PPP1CB: variants seen among roughly 807,000 people sequenced by gnomAD.
The protein encoded by PPP1CB is serine/threonine-protein phosphatase PP1-beta catalytic subunit.
PPP1CB carries 2 observed loss-of-function variants against 43.7 expected under a neutral mutation model. The observed-to-expected ratio is 0.05, with a 90% CI of 0.02 to 0.14. PPP1CB has a LOEUF of 0.14. Ranked by LOEUF, PPP1CB falls within the 10% of genes least tolerant of loss-of-function variation. The probability of loss-of-function intolerance (pLI) is 1.00; values close to 1 mark genes in which losing one functional copy is unlikely to be tolerated. For missense variants in PPP1CB, 84 were observed against 398.0 expected (o/e 0.21, Z 6.71); for synonymous variants, 136 against 135.6 (o/e 1.00, Z -0.02).
At chr2:28,769,148 C>T (rs1289362232) in intron 1 of PPP1CB, among the ~76,000 whole-genome samples, 1 of 152,172 alleles carries the variant, frequency 6.6e-6, no homozygotes, top group Non-Finnish European at 1.5e-5. Flanking sequence ...TGAATGATGG[C>T]TGATCTATCA....
intron 6 of PPP1CB, among the ~76,000 whole-genome samples, chr2:28,790,480 C>T (rs1261030491): frequency 1.3e-5 from 2 of 152,084 alleles, no homozygotes; most frequent in East Asian, 1.9e-4. Context: ...GCTGGGACTA[C>T]AGGCGCCTGC....
At chr2:28,776,772 A>C in intron 1 of PPP1CB, 79 bp from the exon 2 acceptor site, 1 of 1,365,876 alleles carries the variant, frequency 7.3e-7, no homozygotes, top group South Asian at 1.5e-5. Flanking sequence ...CTGATTTTTA[A>C]AGTATGGGCA....
intron 1 of PPP1CB, among the ~76,000 whole-genome samples, chr2:28,766,291 T>C (rs1666775903): frequency 6.6e-6 from 1 of 152,224 alleles, no homozygotes; most frequent in South Asian, 2.1e-4. Flanking sequence ...TCAGCTTTTA[T>C]TACTAACAAA....
At chr2:28,798,895 C>T (rs969034136) in intron 7 of PPP1CB, among the ~76,000 whole-genome samples, 1 of 152,004 alleles carries the variant, frequency 6.6e-6, no homozygotes, top group Non-Finnish European at 1.5e-5. Context: ...CAACATAGAT[C>T]TTCTGACTCT....
At chr2:28,784,571 G>T (rs1046186281) in intron 5 of PPP1CB, among the ~76,000 whole-genome samples, 1 of 151,874 alleles carries the variant, frequency 6.6e-6, no homozygotes. Context: ...AATTTTTAGA[G>T]CTCTTAAGGC....
rs985885474 is a variant in PPP1CB at position 28,787,544 on chromosome 2, A to G, written c.593-1114A>G. On this transcript the variant is annotated intron_variant, in intron 5 of 7. Transcript: ENST00000395366. ...TCTCAACATCCACCCTTCTTTTAAT[A>G]TCACTACAGTTGGACTTTTACCCAC... Among the ~76,000 whole-genome samples the G allele has an allele frequency of 1.8e-4, 27 of 152,202 alleles. 1 individual carries two copies. The South Asian group carries it at 2.3e-3, about 13-fold the overall frequency.
In PPP1CB at chr2:28,799,290, C is replaced by T. The variant is rs1265471325; in HGVS notation, c.971C>T (p.Pro324Leu). The T allele has an allele frequency of 1.9e-6, 3 of 1,600,426 alleles. No individual in the cohort carries two copies. The highest frequency in any genetic ancestry group is 2.2e-5 in the East Asian group (1 of 44,778). ...PVTPPRTANP[P>L]KKR ...ACTCCACCTCGAACAGCTAATCCGC[C>T]GAAGAAAAGGTGAAGAAAGGAATTC... The change falls in exon 8 of 8, where the codon CCG becomes CTG. Residue 324 changes from proline (P) to leucine (L), a missense_variant. By Grantham distance (98) the Pro-to-Leu change is moderately conservative. Coordinates refer to ENST00000395366, the MANE Select transcript of PPP1CB (RefSeq NM_002709.3).
intron 5 of PPP1CB, among the ~76,000 whole-genome samples, chr2:28,784,276 GGTTAT>G (rs1367326450): frequency 1.3e-5 from 2 of 151,988 alleles, no homozygotes; most frequent in East Asian, 3.9e-4. Context: ...TACTAGCATT[GGTTAT>G]GTTCTTCAAA....
At chr2:28,764,313 AGCTGG>A (rs777305803) in intron 1 of PPP1CB, among the ~76,000 whole-genome samples, 9 of 151,872 alleles carry the variant, frequency 5.9e-5, no homozygotes, top group Non-Finnish European at 1.3e-4. Flanking sequence ...ACAAAAAATT[AGCTGG>A]GCATAGTAGC....
At chr2:28,791,620 G>T (rs1027345137) in intron 6 of PPP1CB, among the ~76,000 whole-genome samples, 6 of 152,082 alleles carry the variant, frequency 3.9e-5, no homozygotes, top group African/African-American at 1.4e-4. Flanking sequence ...GAGCCACCTC[G>T]CCCGGCCTGA....
chr2:28,797,547 G>A (rs1371814303), intron 7 of PPP1CB, among the ~76,000 whole-genome samples: 1 of 152,034 alleles, frequency 6.6e-6, no homozygotes, highest in Non-Finnish European at 1.5e-5. Context: ...GGTCATGTGT[G>A]TTTCTATGAA....
At chr2:28,788,037 A>G (rs536542462) in intron 5 of PPP1CB, among the ~76,000 whole-genome samples, 54 of 152,180 alleles carry the variant, frequency 3.5e-4, no homozygotes, top group Admixed American at 7.2e-4. Context: ...TTTTCGCTCA[A>G]GTGATCTGTA....
chr2:28,773,447 C>G (rs938350976), intron 1 of PPP1CB, among the ~76,000 whole-genome samples: 1 of 152,172 alleles, frequency 6.6e-6, no homozygotes, highest in African/African-American at 2.4e-5. Context: ...GAATCTCTGT[C>G]ATTGTACAGT....
chr2:28,780,876 T>C (rs1311946776), intron 3 of PPP1CB, among the ~76,000 whole-genome samples: 1 of 152,108 alleles, frequency 6.6e-6, no homozygotes, highest in Non-Finnish European at 1.5e-5. Context: ...TGTGCCTCTA[T>C]TTATACTTGC....
In PPP1CB at chr2:28,802,557, G is replaced by A. The variant is rs1321229446; in HGVS notation, c.*3254G>A. On this transcript the variant is annotated 3_prime_UTR_variant, in exon 8 of 8. Coordinates refer to ENST00000395366, the MANE Select transcript of PPP1CB (RefSeq NM_002709.3). ...AATTCCTTAAAACAGCTGAAAATTGGGACAACATACTTTACGCAATGAACA... is the reference window on the plus strand; with the variant it reads ...AATTCCTTAAAACAGCTGAAAATTGAGACAACATACTTTACGCAATGAACA... The A allele has an allele frequency of 2.0e-5, 3 of 152,034 alleles. No homozygotes were observed. Among genetic ancestry groups the A allele is most frequent in the African/African-American group, 7.3e-5 (3 of 41,360 alleles). The allele number at this position is 152,034 out of a possible 1,614,324, so 9.4% of individuals were successfully genotyped here. A position where few individuals can be genotyped will look rare whatever the true frequency, so the allele number is the denominator to read the frequency against.
intron 7 of PPP1CB, among the ~76,000 whole-genome samples, chr2:28,797,709 T>G (rs1667525048): frequency 6.6e-6 from 1 of 152,196 alleles, no homozygotes; most frequent in Non-Finnish European, 1.5e-5. Context: ...AGATTGTGCT[T>G]ATTTGGATCT....
intron 3 of PPP1CB, among the ~76,000 whole-genome samples, chr2:28,779,604 C>G (rs1370757609): frequency 6.6e-6 from 1 of 152,128 alleles, no homozygotes; most frequent in Non-Finnish European, 1.5e-5. Flanking sequence ...TTAAAATACC[C>G]TACTAGGTTC....
intron 6 of PPP1CB, 75 bp downstream of exon 6, chr2:28,788,884 T>C (rs1667329582): frequency 8.0e-6 from 11 of 1,379,892 alleles, no homozygotes; most frequent in Non-Finnish European, 1.1e-5. Flanking sequence ...GGCAGACAGA[T>C]TCTTGTTCTG....
At chr2:28,781,387 A>G (rs1021722038) in intron 3 of PPP1CB, among the ~76,000 whole-genome samples, 3 of 152,162 alleles carry the variant, frequency 2.0e-5, no homozygotes, top group Non-Finnish European at 4.4e-5. Flanking sequence ...TTTTACAAAG[A>G]TACAATATAG....
Sources: allele counts gnomAD v4.1 joint callset (sites outside exome capture counted in the v4.1 genomes callset), GRCh38; gene constraint gnomAD v4.1.1; transcripts MANE v1.5; gene names NCBI Gene and HGNC (gene_info 2026-07-23, HGNC 2026-07-21).